The following TENM3 variants were observed in gnomAD, a reference collection of about 807,000 sequenced individuals.
TENM3 encodes teneurin-3.
Under a neutral mutation model 255.1 loss-of-function variants are expected in TENM3, and 63 were observed. The ratio of observed to expected loss-of-function variants is 0.25; its 90% confidence interval spans 0.20 to 0.30. The LOEUF is 0.30. Ranked by LOEUF, TENM3 falls within the 10% of genes least tolerant of loss-of-function variation. TENM3 has a pLI of 1.00. For synonymous variants in TENM3, 1,306 were observed against 1,322.3 expected, an observed-to-expected ratio of 0.99 and a Z score of 0.27; for missense variants, 2,929 against 3,461.1, an observed-to-expected ratio of 0.85 and a Z score of 3.86.
chr4:181,448,373 GT>G, the TENM3 span, among the ~76,000 whole-genome samples: 1 of 150,320 alleles, frequency 6.7e-6, no homozygotes, highest in African/African-American at 2.4e-5. Context: ...GGGTTTCACC[GT>G]TTTAGCCGGG....
chr4:182,136,651 C>T, the TENM3 span, among the ~76,000 whole-genome samples: 12 of 152,258 alleles, frequency 7.9e-5, no homozygotes, highest in African/African-American at 2.4e-4. Context: ...ATGGTTTTGG[C>T]TGATTGCTCT....
At chr4:182,244,313 G>A (rs1229782199) in intron 1 of TENM3, among the ~76,000 whole-genome samples, 2 of 152,088 alleles carry the variant, frequency 1.3e-5, no homozygotes, top group Non-Finnish European at 2.9e-5. Context: ...GGTGGTCACG[G>A]CGATCACAAA....
chr4:182,167,326 G>A (rs1379271274), intron 1 of TENM3, among the ~76,000 whole-genome samples: 34 of 152,122 alleles, frequency 2.2e-4, no homozygotes, highest in Admixed American at 2.2e-3. Context: ...CATCTCATTA[G>A]GCTTAGAAGT....
chr4:181,604,181 C>T, the TENM3 span, among the ~76,000 whole-genome samples: 2 of 151,986 alleles, frequency 1.3e-5, no homozygotes, highest in Non-Finnish European at 1.5e-5. Context: ...AGGAGAATGG[C>T]GTGAACCCGG....
the TENM3 span, among the ~76,000 whole-genome samples, chr4:181,737,263 A>AG: frequency 1.3e-5 from 2 of 152,186 alleles, no homozygotes; most frequent in Non-Finnish European, 2.9e-5. Context: ...GATTTCATGT[A>AG]GAAAAACAAA....
chr4:182,258,404 CT>C (rs973794391), intron 1 of TENM3, among the ~76,000 whole-genome samples: 16 of 152,228 alleles, frequency 1.1e-4, no homozygotes, highest in Middle Eastern at 3.4e-3. Flanking sequence ...ACTTATTTTT[CT>C]GTCTTACACT....
chr4:182,688,290 G>C lies in TENM3; in HGVS notation c.2160G>C (p.Gly720=). ...RACHPRCAEH[G]TCKDGKCECS... ...GCCACCCCCGCTGTGCCGAGCACGG[G>C]ACCTGCAAGGATGGCAAGTGTGAAT... is the stretch of plus-strand genomic sequence containing the variant. Residue 720 remains glycine, a synonymous_variant, in exon 12 of 28, where the codon GGG becomes GGC. Transcript: ENST00000511685. The C allele has an allele frequency of 6.2e-7, 1 of 1,613,936 alleles. No individual in the cohort carries two copies. Among genetic ancestry groups the C allele is most frequent in the South Asian group, 1.1e-5 (1 of 91,068 alleles).
chr4:181,497,060 T>C, the TENM3 span, among the ~76,000 whole-genome samples: 1 of 152,202 alleles, frequency 6.6e-6, no homozygotes, highest in Non-Finnish European at 1.5e-5. Flanking sequence ...ATGAATGATA[T>C]TTAGAATAAA....
the TENM3 span, among the ~76,000 whole-genome samples, chr4:182,018,166 T>C: frequency 1.3e-5 from 2 of 152,184 alleles, no homozygotes; most frequent in Middle Eastern, 3.2e-3. Context: ...ATTCTTTGGG[T>C]TTTCAATATT....
the TENM3 span, among the ~76,000 whole-genome samples, chr4:181,612,528 G>GTGTGTGTGTGTGTC: frequency 6.6e-6 from 1 of 151,878 alleles, no homozygotes; most frequent in African/African-American, 2.4e-5. Flanking sequence ...GTGTGTCAGA[G>GTGTGTGTGTGTGTC]AGAGAGAGAG....
intron 1 of TENM3, among the ~76,000 whole-genome samples, chr4:182,154,625 C>T (rs962939364): frequency 1.4e-4 from 21 of 152,180 alleles, no homozygotes; most frequent in African/African-American, 4.6e-4. Context: ...TTGATTCTTG[C>T]GGGGTACTCA....
chr4:182,632,144 A>G (rs1260449795), intron 5 of TENM3, among the ~76,000 whole-genome samples: 1 of 152,198 alleles, frequency 6.6e-6, no homozygotes, highest in Non-Finnish European at 1.5e-5. Context: ...TGCATTTTAT[A>G]CTAGGCTTTT....
chr4:181,952,660 G>A, the TENM3 span, among the ~76,000 whole-genome samples: 11 of 152,312 alleles, frequency 7.2e-5, 1 homozygote, highest in South Asian at 2.1e-3. Context: ...TCCTTTTTGG[G>A]CTGCTTCCAG....
chr4:182,397,347 G>A (rs987067729), intron 3 of TENM3, among the ~76,000 whole-genome samples: 1 of 136,084 alleles, frequency 7.3e-6, no homozygotes, highest in Non-Finnish European at 1.5e-5. Context: ...GGTGCAGTGA[G>A]CCGAGATCGC....
upstream of TENM3, among the ~76,000 whole-genome samples, chr4:182,140,509 G>C (rs943936414): frequency 1.1e-5 from 1 of 88,072 alleles, no homozygotes; most frequent in African/African-American, 3.5e-5. Context: ...GAACCCAGCA[G>C]ACAGGCCGCT....
chr4:181,977,776 A>G, the TENM3 span, among the ~76,000 whole-genome samples: 1 of 152,166 alleles, frequency 6.6e-6, no homozygotes, highest in South Asian at 2.1e-4. Context: ...ACCTGGGACC[A>G]ATCTTTTTCC....
intron 3 of TENM3, among the ~76,000 whole-genome samples, chr4:182,497,021 A>G (rs1735828919): frequency 6.6e-6 from 1 of 151,720 alleles, no homozygotes; most frequent in Non-Finnish European, 1.5e-5. Flanking sequence ...AAGCAATTCC[A>G]TGTTATACTA....
the TENM3 span, among the ~76,000 whole-genome samples, chr4:181,904,858 A>G: frequency 3.9e-5 from 6 of 152,164 alleles, no homozygotes; most frequent in Non-Finnish European, 7.4e-5. Context: ...TGATTGAATC[A>G]TGGAGGGGGT....
At chr4:182,411,064 T>A (rs1260640518) in intron 3 of TENM3, among the ~76,000 whole-genome samples, 1 of 152,184 alleles carries the variant, frequency 6.6e-6, no homozygotes, top group Non-Finnish European at 1.5e-5. Flanking sequence ...AGCATTCACC[T>A]GCTGTGAGTC....
Sources: allele counts gnomAD v4.1 joint callset (sites outside exome capture counted in the v4.1 genomes callset), GRCh38; gene constraint gnomAD v4.1.1; transcripts MANE v1.5; gene names NCBI Gene and HGNC (gene_info 2026-07-23, HGNC 2026-07-21).